CSMD1: variants seen among roughly 807,000 people sequenced by gnomAD.
CSMD1 encodes the protein CUB and sushi domain-containing protein 1.
In CSMD1, 213 loss-of-function variants were observed where a neutral mutation model predicts 417.5. The ratio of observed to expected loss-of-function variants is 0.51; its 90% CI spans 0.46 to 0.57. CSMD1 has a LOEUF of 0.57. CSMD1 is among the 20% of genes least tolerant of loss of function. The probability of loss-of-function intolerance (pLI) is 0.00; values close to 1 mark genes in which losing one functional copy is unlikely to be tolerated. For missense variants in CSMD1, 6,923 were observed against 4,529.7 expected (o/e 1.53, Z -15.17); for synonymous variants, 2,862 against 1,736.8 (o/e 1.65, Z -16.11).
intron 4 of CSMD1, among the ~76,000 whole-genome samples, chr8:4,012,193 G>A (rs978625960): frequency 6.6e-6 from 1 of 152,040 alleles, no homozygotes; most frequent in Admixed American, 6.6e-5. Flanking sequence ...AGGGCTGACT[G>A]TATATGATTC....
chr8:4,869,464 C>T (rs1176394650), intron 1 of CSMD1, among the ~76,000 whole-genome samples: 1 of 151,996 alleles, frequency 6.6e-6, no homozygotes, highest in African/African-American at 2.4e-5. Flanking sequence ...CATATATCTG[C>T]AACCAGACTA....
At chr8:4,172,805 G>A (rs1454996359) in intron 3 of CSMD1, among the ~76,000 whole-genome samples, 2 of 152,050 alleles carry the variant, frequency 1.3e-5, no homozygotes, top group African/African-American at 4.8e-5. Flanking sequence ...CATGTCTTTA[G>A]GCAGCCCCTG....
At chr8:3,626,254 T>G (rs775612820) in intron 7 of CSMD1, among the ~76,000 whole-genome samples, 1 of 152,202 alleles carries the variant, frequency 6.6e-6, no homozygotes, top group African/African-American at 2.4e-5. Context: ...GCCTGTCATT[T>G]CTGCTCTAGT....
intron 1 of CSMD1, among the ~76,000 whole-genome samples, chr8:4,868,802 A>C (rs1802565464): frequency 6.6e-6 from 1 of 152,014 alleles, no homozygotes; most frequent in Non-Finnish European, 1.5e-5. Flanking sequence ...AAAGCTTGTA[A>C]AAATATCATG....
chr8:4,899,829 T>C (rs1585289699), intron 1 of CSMD1, among the ~76,000 whole-genome samples: 2 of 152,112 alleles, frequency 1.3e-5, no homozygotes, highest in African/African-American at 4.8e-5. Flanking sequence ...GTGTAACAAA[T>C]AAGCAGGTCT....
At chr8:4,075,993 G>A (rs1419405912) in intron 3 of CSMD1, among the ~76,000 whole-genome samples, 4 of 152,076 alleles carry the variant, frequency 2.6e-5, no homozygotes, top group Admixed American at 6.6e-5. Context: ...TCTTTCTCTG[G>A]GAGGGTGGAG....
chr8:3,426,641 A>C, intron 12 of CSMD1, among the ~76,000 whole-genome samples: 1 of 152,172 alleles, frequency 6.6e-6, no homozygotes, highest in South Asian at 2.1e-4. Context: ...GTGAGATGCC[A>C]TAATTAACTT....
chr8:4,268,469 G>A (rs1249933885), intron 3 of CSMD1, among the ~76,000 whole-genome samples: 3 of 152,078 alleles, frequency 2.0e-5, no homozygotes, highest in Admixed American at 6.6e-5. Flanking sequence ...AGGTAGTATC[G>A]CTGCTTACGT....
intron 2 of CSMD1, among the ~76,000 whole-genome samples, chr8:4,483,033 G>C (rs1658823): frequency 1 from 152,261 of 152,282 alleles, 76,120 homozygotes; most frequent in Middle Eastern, 1. Flanking sequence ...CGTCCCCACC[G>C]AAATCTCATC....
intron 3 of CSMD1, among the ~76,000 whole-genome samples, chr8:4,347,305 C>A (rs142235274): frequency 7.9e-4 from 121 of 152,254 alleles, no homozygotes; most frequent in African/African-American, 2.6e-3. Context: ...GCAGCAGCAA[C>A]TATAAAATTA....
intron 2 of CSMD1, among the ~76,000 whole-genome samples, chr8:4,464,277 G>C (rs1308458942): frequency 2.6e-5 from 4 of 151,574 alleles, no homozygotes; most frequent in Non-Finnish European, 5.9e-5. Flanking sequence ...TGAAGCACAG[G>C]GCATTATTAT....
intron 37 of CSMD1, among the ~76,000 whole-genome samples, chr8:3,176,863 C>T (rs1317703430): frequency 2.6e-5 from 4 of 151,388 alleles, no homozygotes; most frequent in Admixed American, 6.6e-5. Context: ...TCTGTAGCCT[C>T]GGCCTCCTGG....
intron 3 of CSMD1, among the ~76,000 whole-genome samples, chr8:4,246,710 A>C (rs929088175): frequency 7.2e-5 from 11 of 152,186 alleles, no homozygotes; most frequent in African/African-American, 2.7e-4. Flanking sequence ...ATTGTTTTTT[A>C]ATTTATCATT....
At chr8:4,366,152 C>G (rs1055547966) in intron 3 of CSMD1, among the ~76,000 whole-genome samples, 4 of 152,156 alleles carry the variant, frequency 2.6e-5, no homozygotes, top group African/African-American at 9.7e-5. Context: ...GTGTTTCACT[C>G]CCGTTTATGA....
intron 54 of CSMD1, among the ~76,000 whole-genome samples, chr8:2,997,451 C>T (rs1036381562): frequency 6.6e-6 from 1 of 152,126 alleles, no homozygotes; most frequent in East Asian, 1.9e-4. Context: ...AAAATACTTG[C>T]CCTTCACACT....
At chr8:3,044,770 C>T (rs982348340) in intron 50 of CSMD1, among the ~76,000 whole-genome samples, 1 of 152,206 alleles carries the variant, frequency 6.6e-6, no homozygotes, top group East Asian at 1.9e-4. Context: ...ATTGTATTTA[C>T]CATTTGCATT....
intron 5 of CSMD1, among the ~76,000 whole-genome samples, chr8:3,936,206 G>A (rs951387042): frequency 2.7e-5 from 4 of 150,274 alleles, no homozygotes; most frequent in Non-Finnish European, 4.4e-5. Context: ...AAAGCCATCT[G>A]CGTAACATAA....
chr8:3,889,395 A>G (rs1261930558), intron 5 of CSMD1, among the ~76,000 whole-genome samples: 2 of 143,946 alleles, frequency 1.4e-5, no homozygotes, highest in Non-Finnish European at 1.5e-5. Context: ...ATTTTTTACT[A>G]ACATTAAATA....
At chr8:3,224,255 T>A (rs1349577968) in intron 27 of CSMD1, among the ~76,000 whole-genome samples, 1 of 152,262 alleles carries the variant, frequency 6.6e-6, no homozygotes, top group East Asian at 1.9e-4. Flanking sequence ...CCCATGGACA[T>A]GATTTTATGG....
Sources: gnomAD v4.1 joint callset for allele counts (sites outside exome capture counted in the v4.1 genomes callset) on GRCh38, gnomAD v4.1.1 for gene constraint, MANE v1.5 for transcripts, NCBI Gene and HGNC (gene_info 2026-07-23, HGNC 2026-07-21) for gene names.